ADGRF5: variants seen among roughly 807,000 people sequenced by gnomAD.
The protein encoded by ADGRF5 is G-protein coupled receptor 116.
A neutral mutation model predicts 132.3 loss-of-function variants in ADGRF5; 75 were observed. That is an observed-to-expected ratio of 0.57 (90% CI 0.47 to 0.69). The LOEUF (loss-of-function observed/expected upper bound fraction) is 0.69, where lower values mean the gene tolerates loss of function less well. Ranked by LOEUF, ADGRF5 falls within the 30% of genes least tolerant of loss-of-function variation. ADGRF5 has a pLI of 0.00. For synonymous variants in ADGRF5, 629 were observed against 597.6 expected, an observed-to-expected ratio of 1.05 and a Z score of -0.77; for missense variants, 1,516 against 1,630.6, an observed-to-expected ratio of 0.93 and a Z score of 1.21.
chr6:46,934,510 A>C (rs934293369), intron 1 of ADGRF5, among the ~76,000 whole-genome samples: 1 of 152,248 alleles, frequency 6.6e-6, no homozygotes, highest in African/African-American at 2.4e-5. Context: ...AAATAATAAT[A>C]GTATGCCTTG....
chr6:46,916,978 C>G (rs1014145876), intron 1 of ADGRF5, among the ~76,000 whole-genome samples: 1 of 152,226 alleles, frequency 6.6e-6, no homozygotes, highest in Non-Finnish European at 1.5e-5. Flanking sequence ...CTCTATTTCT[C>G]CTTTCTGAGC....
At chr6:46,942,700 GTCTC>G (rs1411196507) in intron 1 of ADGRF5, among the ~76,000 whole-genome samples, 1 of 152,298 alleles carries the variant, frequency 6.6e-6, no homozygotes, top group Non-Finnish European at 1.5e-5. Context: ...TTCATTCATA[GTCTC>G]TCTATTTCTC....
chr6:46,917,094 G>T (rs1183143035), intron 1 of ADGRF5, among the ~76,000 whole-genome samples: 1 of 152,172 alleles, frequency 6.6e-6, no homozygotes, highest in Admixed American at 6.5e-5. Context: ...CAAGCATTAG[G>T]TTAAGCACTA....
At chr6:46,897,079 T>TACACAC (rs151074761) in intron 3 of ADGRF5, among the ~76,000 whole-genome samples, 1 of 148,884 alleles carries the variant, frequency 6.7e-6, no homozygotes, top group Non-Finnish European at 1.5e-5. Context: ...GACAACAGTA[T>TACACAC]ACACACACAC....
chr6:46,916,507 C>T (rs1383643051), intron 1 of ADGRF5, among the ~76,000 whole-genome samples: 1 of 152,186 alleles, frequency 6.6e-6, no homozygotes, highest in African/African-American at 2.4e-5. Context: ...CTCAGAGCCC[C>T]TCATCGGTTT....
intron 15 of ADGRF5, 142 bp downstream of exon 15, chr6:46,862,746 A>G: frequency 5.3e-6 from 1 of 190,116 alleles, no homozygotes; most frequent in Non-Finnish European, 9.3e-6. Flanking sequence ...CTAGGGTTGC[A>G]TCTCCTTTGG....
intron 1 of ADGRF5, among the ~76,000 whole-genome samples, chr6:46,916,077 T>G (rs1205227407): frequency 6.6e-6 from 1 of 152,172 alleles, no homozygotes; most frequent in Non-Finnish European, 1.5e-5. Flanking sequence ...TCTACAGCTC[T>G]TCTCTCTTGA....
rs759319608 is a variant in ADGRF5 at position 46,869,091 on chromosome 6, G to C, written c.1413C>G (p.Ala471=). The change falls in exon 12 of 21, where the codon GCC becomes GCG. Residue 471 remains alanine, a splice_region_variant and synonymous_variant. Coordinates refer to ENST00000283296, the MANE Select transcript of ADGRF5 (RefSeq NM_001098518.2). ...TTGGGTCCGGGGTTATTGTTAGATT[G>C]GCTGAAAAAAAGGCAAACAAAACAG... The part of the protein sequence containing the change: ...ANIKVTFISV[A]NLTITPDPIS... 1.2e-6 allele frequency: 2 copies of C among 1,612,988 alleles called. No individual in the cohort carries two copies. The highest frequency in any genetic ancestry group is 1.7e-6 in the Non-Finnish European group (2 of 1,179,372).
chr6:46,926,391 C>T (rs1777240685), upstream of ADGRF5, among the ~76,000 whole-genome samples: 1 of 152,138 alleles, frequency 6.6e-6, no homozygotes. Context: ...AAATCCAAGT[C>T]ACCCTCCAAG....
At chr6:46,949,804 T>A (rs1778429655) in intron 1 of ADGRF5, among the ~76,000 whole-genome samples, 1 of 152,182 alleles carries the variant, frequency 6.6e-6, no homozygotes. Context: ...AATAGGAATG[T>A]GTTTGCAGCA....
At chr6:46,913,496 C>A (rs564995819) in intron 1 of ADGRF5, among the ~76,000 whole-genome samples, 1 of 57,848 alleles carries the variant, frequency 1.7e-5, no homozygotes, top group Non-Finnish European at 3.5e-5. Context: ...CAAAACTCCA[C>A]CTCAAAAAAA....
intron 1 of ADGRF5, among the ~76,000 whole-genome samples, chr6:46,938,261 G>T (rs1345838682): frequency 6.6e-6 from 1 of 152,110 alleles, no homozygotes; most frequent in Non-Finnish European, 1.5e-5. Context: ...CTTCCTTTCT[G>T]CTGGCCTCAG....
intron 1 of ADGRF5, among the ~76,000 whole-genome samples, chr6:46,950,061 C>T (rs867367700): frequency 2.0e-5 from 3 of 152,168 alleles, no homozygotes; most frequent in East Asian, 1.9e-4. Context: ...CTTGGATCAC[C>T]GCACTGACAT....
intron 1 of ADGRF5, among the ~76,000 whole-genome samples, chr6:46,932,216 C>A (rs1777585255): frequency 6.6e-6 from 1 of 151,794 alleles, no homozygotes. Flanking sequence ...AAGAATTGAT[C>A]ATTTAAAAAA....
At chr6:46,913,447 C>A (rs1348408194) in intron 1 of ADGRF5, among the ~76,000 whole-genome samples, 1 of 151,384 alleles carries the variant, frequency 6.6e-6, no homozygotes, top group Non-Finnish European at 1.5e-5. Flanking sequence ...TGCAGTGAAC[C>A]AAGATCACGC....
intron 16 of ADGRF5, among the ~76,000 whole-genome samples, chr6:46,859,830 T>TTTTATTTTATTTTAC (rs1336890446): frequency 6.6e-6 from 1 of 151,516 alleles, no homozygotes; most frequent in East Asian, 1.9e-4. Flanking sequence ...TTTTATTTTA[T>TTTTATTTTATTTTAC]TTTATTTTAT....
At chr6:46,916,023 C>T (rs979572707) in intron 1 of ADGRF5, among the ~76,000 whole-genome samples, 1 of 152,134 alleles carries the variant, frequency 6.6e-6, no homozygotes, top group Non-Finnish European at 1.5e-5. Context: ...CCTCATCATC[C>T]TGCAGCTGCC....
In ADGRF5 at chr6:46,878,084, C is replaced by T. The variant is rs1232139478; in HGVS notation, c.1240+118G>A. The T allele has an allele frequency of 4.2e-6, 3 of 718,616 alleles. No homozygotes were observed. In the African/African-American group the frequency reaches 5.3e-5, roughly 13 times the overall value. The allele number at this position is 718,616 out of a possible 1,614,324, so 44.5% of individuals were successfully genotyped here. A position where few individuals can be genotyped will look rare whatever the true frequency, so the allele number is the denominator to read the frequency against. Reference sequence around the variant, plus strand: ...ATCAAACCTAATGCCTTTTCACAGTCTGAAATCCAGAAAATAACAGCCATC... The same window carrying T: ...ATCAAACCTAATGCCTTTTCACAGTTTGAAATCCAGAAAATAACAGCCATC... On this transcript the variant is annotated intron_variant, in intron 10 of 20. Coordinates refer to ENST00000283296, the MANE Select transcript of ADGRF5 (RefSeq NM_001098518.2).
chr6:46,922,898 G>T (rs574368325), upstream of ADGRF5, among the ~76,000 whole-genome samples: 51 of 152,162 alleles, frequency 3.4e-4, no homozygotes, highest in Non-Finnish European at 1.0e-4. Flanking sequence ...ATATGTGGCC[G>T]GGTACACATT....
Sources: gnomAD v4.1 joint callset for allele counts (sites outside exome capture counted in the v4.1 genomes callset) on GRCh38, gnomAD v4.1.1 for gene constraint, MANE v1.5 for transcripts, NCBI Gene and HGNC (gene_info 2026-07-23, HGNC 2026-07-21) for gene names.